TMEM132D: variants seen among roughly 807,000 people sequenced by gnomAD.
The protein encoded by TMEM132D is transmembrane protein 132D.
In TMEM132D, 21 loss-of-function variants were observed where a neutral mutation model predicts 62.3. The ratio of observed to expected loss-of-function variants is 0.34; its 90% CI spans 0.24 to 0.49. TMEM132D has a LOEUF of 0.49. Ranked by LOEUF, TMEM132D falls within the 20% of genes least tolerant of loss-of-function variation. TMEM132D has a pLI of 0.99. For synonymous variants in TMEM132D, 621 were observed against 575.6 expected, an observed-to-expected ratio of 1.08 and a Z score of -1.13; for missense variants, 1,346 against 1,402.8, an observed-to-expected ratio of 0.96 and a Z score of 0.65.
rs532723937 is a variant in TMEM132D, at chr12:129,886,977, T to C, written c.79+16284A>G. Among the ~76,000 whole-genome samples, 58 of 152,342 alleles carry C rather than the reference T, an allele frequency of 3.8e-4. No homozygotes were observed. In the East Asian group the frequency reaches 0.01, roughly 27 times the overall value. On this transcript the variant is annotated intron_variant, in intron 1 of 8. Coordinates refer to ENST00000422113, the MANE Select transcript of TMEM132D (RefSeq NM_133448.3). The stretch of plus-strand genomic sequence containing the variant: ...AAGTTTCCTGAGGCCTCCCCAGCCA[T>C]GCTGAACTGTGAGTCAATTAAACCT...
intron 1 of TMEM132D, among the ~76,000 whole-genome samples, chr12:129,838,553 A>G (rs1873078105): frequency 6.6e-6 from 1 of 152,246 alleles, no homozygotes; most frequent in African/African-American, 2.4e-5. Context: ...CTTAACACAG[A>G]TGTGGCTCTG....
chr12:129,393,494 G>A (rs1566055189), intron 3 of TMEM132D, among the ~76,000 whole-genome samples: 1 of 152,128 alleles, frequency 6.6e-6, no homozygotes, highest in Non-Finnish European at 1.5e-5. Flanking sequence ...GTTTGCTGAA[G>A]GCACACTTAA....
In TMEM132D at chr12:129,852,823, C is replaced by T. The variant is rs1873589945; in HGVS notation, c.79+50438G>A. ...TGTCATTTGTGTTTTATGCGCTTTT[C>T]ACTGTGCCTCCAAAAGAAGATTCTG... On this transcript the variant is annotated intron_variant, in intron 1 of 8. Coordinates refer to ENST00000422113, the MANE Select transcript of TMEM132D (RefSeq NM_133448.3). 2.0e-5 allele frequency: 3 copies of T among 152,292 alleles called. No individual in the cohort carries two copies. The South Asian group carries it at 6.2e-4, about 32-fold the overall frequency. 9.4% of individuals were successfully genotyped at this position (152,292 alleles called of 1,614,324 possible). A position where few individuals can be genotyped will look rare whatever the true frequency, so the allele number is the denominator to read the frequency against.
chr12:129,800,890 T>C (rs1285979267), intron 1 of TMEM132D, among the ~76,000 whole-genome samples: 4 of 152,128 alleles, frequency 2.6e-5, no homozygotes, highest in Admixed American at 2.0e-4. Context: ...GGGCGAGGCA[T>C]TGCCTCACTC....
intron 3 of TMEM132D, among the ~76,000 whole-genome samples, chr12:129,384,139 C>T (rs1871038063): frequency 6.6e-6 from 1 of 152,204 alleles, no homozygotes; most frequent in Non-Finnish European, 1.5e-5. Context: ...GTTGCACCAA[C>T]AGTGGAGGAC....
intron 3 of TMEM132D, among the ~76,000 whole-genome samples, chr12:129,438,786 A>G (rs1872859879): frequency 6.6e-6 from 1 of 152,222 alleles, no homozygotes; most frequent in South Asian, 2.1e-4. Context: ...AGTGATGAGT[A>G]ATTTTAAAAA....
intron 1 of TMEM132D, among the ~76,000 whole-genome samples, chr12:129,896,534 A>T (rs1875140761): frequency 6.6e-6 from 1 of 152,232 alleles, no homozygotes; most frequent in African/African-American, 2.4e-5. Context: ...ACCAAAATGC[A>T]AACAAACAAA....
chr12:129,680,147 G>A (rs1880741693), intron 2 of TMEM132D, among the ~76,000 whole-genome samples: 1 of 152,154 alleles, frequency 6.6e-6, no homozygotes, highest in South Asian at 2.1e-4. Context: ...GTGCCCATGT[G>A]CTGAGAAGGG....
chr12:129,376,265 T>C (rs1296620351), intron 3 of TMEM132D, among the ~76,000 whole-genome samples: 1 of 152,168 alleles, frequency 6.6e-6, no homozygotes, highest in East Asian at 1.9e-4. Flanking sequence ...GAAAGATGGT[T>C]AATGGACTCA....
chr12:129,267,284 C>T (rs921944891), intron 4 of TMEM132D, among the ~76,000 whole-genome samples: 2 of 151,918 alleles, frequency 1.3e-5, no homozygotes, highest in East Asian at 3.9e-4. Context: ...TTTAGAAAAC[C>T]CCATCGTCTC....
chr12:129,462,973 G>C (rs1025108115), intron 3 of TMEM132D, among the ~76,000 whole-genome samples: 13 of 152,134 alleles, frequency 8.5e-5, no homozygotes, highest in African/African-American at 2.9e-4. Flanking sequence ...AGTCCTCGGA[G>C]CCCACAATAA....
rs541596360 is a variant in TMEM132D, at chr12:129,617,839, C to A, written c.968+81971G>T. Among the ~76,000 whole-genome samples the A allele has an allele frequency of 2.6e-5, 4 of 152,218 alleles. No homozygotes were observed. The South Asian group carries it at 8.3e-4, about 32-fold the overall frequency. ...TAATCTAATCACCTCCCAGGGGCCCCGCCACCTAATACATGGGGGTTAATA... is the reference window on the plus strand; with the variant it reads ...TAATCTAATCACCTCCCAGGGGCCCAGCCACCTAATACATGGGGGTTAATA... On this transcript the variant is annotated intron_variant, in intron 2 of 8. Transcript: ENST00000422113.
intron 1 of TMEM132D, chr12:129,855,036 A>C (rs7316071): frequency 1 from 148,485 of 148,668 alleles, 74,151 homozygotes; most frequent in East Asian, 1. Flanking sequence ...TATTAGACGG[A>C]GAGCCCTATG....
chr12:129,729,735 G>T (rs1869160391), intron 1 of TMEM132D, among the ~76,000 whole-genome samples: 1 of 152,166 alleles, frequency 6.6e-6, no homozygotes, highest in Non-Finnish European at 1.5e-5. Context: ...TTACAAGGAA[G>T]TTGGTTAGGG....
At chr12:129,114,019 T>C (rs1875807944) in intron 5 of TMEM132D, among the ~76,000 whole-genome samples, 1 of 152,128 alleles carries the variant, frequency 6.6e-6, no homozygotes, top group African/African-American at 2.4e-5. Context: ...ACCATTCATT[T>C]TCCCTGCTGT....
intron 5 of TMEM132D, chr12:129,085,466 A>C (rs1400839894): frequency 6.6e-6 from 1 of 152,142 alleles, no homozygotes; most frequent in Non-Finnish European, 1.5e-5. Context: ...TCAATGATGC[A>C]CCTCCTGCTG....
chr12:129,427,602 G>T (rs1872535342), intron 3 of TMEM132D, among the ~76,000 whole-genome samples: 1 of 152,082 alleles, frequency 6.6e-6, no homozygotes. Context: ...CCTCTGTGTT[G>T]AGACTGGTCC....
intron 2 of TMEM132D, among the ~76,000 whole-genome samples, chr12:129,687,770 A>G (rs566930634): frequency 4.6e-5 from 7 of 152,208 alleles, no homozygotes; most frequent in African/African-American, 1.7e-4. Context: ...TTGGCTCTGC[A>G]TCTTCTTCCC....
At chr12:129,186,129 G>T (rs996557537) in intron 5 of TMEM132D, among the ~76,000 whole-genome samples, 1 of 152,130 alleles carries the variant, frequency 6.6e-6, no homozygotes, top group Non-Finnish European at 1.5e-5. Flanking sequence ...CCGCTGCGGG[G>T]AGTCCACCCA....
Sources: gnomAD v4.1 joint callset for allele counts (sites outside exome capture counted in the v4.1 genomes callset) on GRCh38, gnomAD v4.1.1 for gene constraint, MANE v1.5 for transcripts, NCBI Gene and HGNC (gene_info 2026-07-23, HGNC 2026-07-21) for gene names.